The following WDR74 variants were observed in gnomAD, a reference collection of about 807,000 sequenced individuals.
WDR74 encodes WD repeat-containing protein 74.
Under a neutral mutation model 45.6 loss-of-function variants are expected in WDR74, and 31 were observed. The ratio of observed to expected loss-of-function variants is 0.68; its 90% CI spans 0.51 to 0.92. The LOEUF (loss-of-function observed/expected upper bound fraction) is 0.92. Among genes scored for constraint, WDR74 ranks in the 40% least tolerant of loss-of-function variants. The pLI, the probability that WDR74 is intolerant of heterozygous loss-of-function variation, is 0.00. For missense variants in WDR74, 455 were observed against 497.2 expected, an observed-to-expected ratio of 0.92 and a Z score of 0.81; for synonymous variants, 191 against 192.4, an observed-to-expected ratio of 0.99 and a Z score of 0.06.
chr11:62,841,430 G>T (rs531472487), upstream of WDR74: 1 of 151,396 alleles, frequency 6.6e-6, no homozygotes, highest in East Asian at 1.9e-4. Context: ...AAGACCACAT[G>T]GAGATACTAC....
At chr11:62,840,868 C>G (rs2085034642), upstream of WDR74, among the ~76,000 whole-genome samples, 1 of 152,184 alleles carries the variant, frequency 6.6e-6, no homozygotes, top group Non-Finnish European at 1.5e-5. Flanking sequence ...AAACCCCGAG[C>G]GCGACCTAGG....
chr11:62,840,838 G>C (rs1171036189), upstream of WDR74, among the ~76,000 whole-genome samples: 1 of 152,178 alleles, frequency 6.6e-6, no homozygotes. Context: ...ACCTCCCGAA[G>C]TGCTAGGATT....
chr11:62,833,552 C>T (rs1285603758), intron 10 of WDR74, 66 bp downstream of exon 10: 9 of 1,531,360 alleles, frequency 5.9e-6, no homozygotes, highest in Middle Eastern at 2.0e-4. Flanking sequence ...GCCTCCTTTT[C>T]CTCTCCATAG....
At chr11:62,841,431 G>C (rs1437160494), upstream of WDR74, 1 of 152,208 alleles carries the variant, frequency 6.6e-6, no homozygotes, top group African/African-American at 2.4e-5. Flanking sequence ...AGACCACATG[G>C]AGATACTACG....
intron 3 of WDR74, chr11:62,836,570 C>T (rs1341753645): frequency 6.2e-6 from 1 of 162,202 alleles, no homozygotes; most frequent in African/African-American, 2.4e-5. Flanking sequence ...CTTAAAATAT[C>T]CCTCCCGAGA....
At chr11:62,841,363 G>A (rs1231239781), upstream of WDR74, among the ~76,000 whole-genome samples, 1 of 152,118 alleles carries the variant, frequency 6.6e-6, no homozygotes, top group South Asian at 2.1e-4. Context: ...AGCCGGGGGT[G>A]GTGGCAAGCG....
At chr11:62,839,846 A>G (rs1590991276), upstream of WDR74, 1 of 513,352 alleles carries the variant, frequency 1.9e-6, no homozygotes, top group East Asian at 3.3e-5. Flanking sequence ...TCCCGGCTCC[A>G]TTATGTAATA....
chr11:62,839,741 T>C, upstream of WDR74: 1 of 792,586 alleles, frequency 1.3e-6, no homozygotes, highest in Non-Finnish European at 2.0e-6. Context: ...TGCTTGTTTA[T>C]GTAGATCGGA....
At chr11:62,835,361 A>C (rs1159492096) in intron 6 of WDR74, 70 bp downstream of exon 6, 1 of 1,443,820 alleles carries the variant, frequency 6.9e-7, no homozygotes, top group Non-Finnish European at 9.6e-7. Context: ...AGTTGTGTCA[A>C]ACCGTGGGGG....
intron 3 of WDR74, among the ~76,000 whole-genome samples, chr11:62,837,475 C>T (rs1227674184): frequency 7.5e-6 from 1 of 133,604 alleles, no homozygotes; most frequent in African/African-American, 2.8e-5. Flanking sequence ...CCAGCCTGGG[C>T]AACAGAGTGA....
chr11:62,835,670 G>A, intron 5 of WDR74, 25 bp downstream of exon 5: 1 of 1,613,916 alleles, frequency 6.2e-7, no homozygotes. Context: ...TTCAGGAACA[G>A]CTCCTTCACA....
rs980725215 is a variant in WDR74, at chr11:62,832,931, T to C, written c.*21A>G. ...CATGGTGGGTGTTCAGCAGTTTATT[T>C]ACAAAGTGGGCACAGGGGCGTCAGG... is the stretch of plus-strand genomic sequence containing the variant. On this transcript the variant is annotated 3_prime_UTR_variant, in exon 11 of 11. Coordinates refer to ENST00000278856, the MANE Select transcript of WDR74 (RefSeq NM_001369450.1). The C allele has an allele frequency of 7.6e-6, 12 of 1,581,106 alleles. No individual in the cohort carries two copies. The highest frequency in any genetic ancestry group is 1.0e-5 in the Non-Finnish European group (12 of 1,165,904).
chr11:62,833,993 TTGTTTCC>T, intron 8 of WDR74, 56 bp from the exon 9 acceptor site: 1 of 1,596,460 alleles, frequency 6.3e-7, no homozygotes, highest in South Asian at 1.1e-5. Context: ...CAACCATTCA[TTGTTTCC>T]TGTTCCAATC....
intron 10 of WDR74, 51 bp from the exon 11 acceptor site, chr11:62,833,182 T>C: frequency 6.4e-7 from 1 of 1,570,876 alleles, no homozygotes; most frequent in Non-Finnish European, 8.6e-7. Context: ...GCACGGTGGC[T>C]CCCACCTGTA....
Position 62,834,601 on chromosome 11 carries a change from C to G in WDR74, c.619-74G>C, listed in dbSNP as rs923429877. ...CCTCTGGCGTCTCTGCATCCTCACC[C>G]CCTCCCTGCACACTGCTTTCTTATT... On this transcript the variant is annotated intron_variant, in intron 6 of 10. Transcript: ENST00000278856. The G allele has an allele frequency of 4.6e-6, 6 of 1,293,918 alleles. No individual in the cohort carries two copies. In the African/African-American group the frequency reaches 5.8e-5, roughly 13 times the overall value. The allele number at this position is 1,293,918 out of a possible 1,614,324, so 80.2% of individuals were successfully genotyped here.
At position 62,834,351 on chromosome 11, in the gene WDR74, C is replaced by CA; in HGVS notation, c.720-21dup. 1 of 1,613,716 alleles carries CA rather than the reference C, an allele frequency of 6.2e-7. No individual in the cohort carries two copies. The highest frequency in any genetic ancestry group is 8.5e-7 in the Non-Finnish European group (1 of 1,179,882). ...ACTGAGCTGAGGATGAGACCAGAGG[C>CA]AAGTGGGATCAGCAGTAACCTCCTG... On this transcript the variant is annotated intron_variant, in intron 7 of 10. Transcript: ENST00000278856.
At chr11:62,834,986 T>C in intron 6 of WDR74, 1 of 215,356 alleles carries the variant, frequency 4.6e-6, no homozygotes, top group Non-Finnish European at 9.4e-6. Flanking sequence ...CCCGCCCGTG[T>C]CTCAAGACCT....
chr11:62,836,164 G>T, intron 3 of WDR74, 128 bp from the exon 4 acceptor site: 1 of 955,620 alleles, frequency 1.0e-6, no homozygotes, highest in African/African-American at 1.6e-5. Flanking sequence ...TATTCTCTAG[G>T]CCCCAAACTC....
intron 4 of WDR74, 42 bp from the exon 5 acceptor site, chr11:62,835,883 A>T (rs368787398): frequency 1.9e-6 from 3 of 1,593,260 alleles, no homozygotes; most frequent in Non-Finnish European, 1.7e-6. Context: ...AGAGTCCTTA[A>T]TCCTCCCTTC....
Sources: gnomAD v4.1 joint callset for allele counts (sites outside exome capture counted in the v4.1 genomes callset) on GRCh38, gnomAD v4.1.1 for gene constraint, MANE v1.5 for transcripts, NCBI Gene and HGNC (gene_info 2026-07-23, HGNC 2026-07-21) for gene names.